EPS8: variants seen among roughly 807,000 people sequenced by gnomAD.
EPS8 encodes the protein epidermal growth factor receptor kinase substrate 8.
Under a neutral mutation model 103.8 loss-of-function variants are expected in EPS8, and 42 were observed. The observed-to-expected ratio is 0.40, with a 90% CI of 0.32 to 0.52. EPS8 has a LOEUF of 0.52. EPS8 is among the 20% of genes least tolerant of loss of function. The pLI is 0.40. For missense variants in EPS8, 969 were observed against 1,005.1 expected (o/e 0.96, Z 0.49); for synonymous variants, 344 against 344.6 (o/e 1.00, Z 0.02).
intron 3 of EPS8, among the ~76,000 whole-genome samples, chr12:15,671,244 G>A (rs547459722): frequency 6.6e-6 from 1 of 152,156 alleles, no homozygotes; most frequent in South Asian, 2.1e-4. Flanking sequence ...CCTACTGTTT[G>A]ACAAGTCAAT....
chr12:15,659,138 A>C (rs1945559389), intron 10 of EPS8, among the ~76,000 whole-genome samples: 1 of 152,176 alleles, frequency 6.6e-6, no homozygotes, highest in African/African-American at 2.4e-5. Flanking sequence ...AACAACAAAC[A>C]AAAGGAGAGA....
chr12:15,631,783 C>G, intron 17 of EPS8, 119 bp from the exon 18 acceptor site: 1 of 699,140 alleles, frequency 1.4e-6, no homozygotes, highest in Non-Finnish European at 2.4e-6. Flanking sequence ...AAACCCATTA[C>G]TCATTTATCT....
intron 1 of EPS8, among the ~76,000 whole-genome samples, chr12:15,687,238 T>C (rs1186754678): frequency 1.3e-5 from 2 of 152,134 alleles, no homozygotes; most frequent in Non-Finnish European, 2.9e-5. Flanking sequence ...GACGGCACCA[T>C]GTATTTTTCT....
At position 15,698,746 on chromosome 12, in the gene EPS8, T is replaced by C. The variant is rs1239858850; in HGVS notation, c.-21-15774A>G. On this transcript the variant is annotated intron_variant, in intron 1 of 20. Transcript: ENST00000281172. This position sits in a 1 kb window ranked among gnomAD's most constrained non-coding sequence, Gnocchi z 4.9. Reference sequence around the variant, plus strand: ...GGATGCCAGTTTGAAATTTAGGAGATAGGAGATTCAGTGTTTACAAGAATG... The same window carrying C: ...GGATGCCAGTTTGAAATTTAGGAGACAGGAGATTCAGTGTTTACAAGAATG... 2.0e-5 allele frequency among the ~76,000 whole-genome samples: 3 copies of C among 152,128 alleles called. No homozygotes were observed. The highest frequency in any genetic ancestry group is 7.2e-5 in the African/African-American group (3 of 41,416).
rs1317577922 is a variant in EPS8, at chr12:15,662,026, C to A, written c.810G>T (p.Val270=). Reference sequence around the variant, plus strand: ...ATCTAAAGGCGACTCCTGTACTTACCACATCTCTGTCAATGCGGGCTGCCA... The same window carrying A: ...ATCTAAAGGCGACTCCTGTACTTACAACATCTCTGTCAATGCGGGCTGCCA... ...EMMAARIDRD[V]QILNHILDDI... is the part of the protein sequence containing the mutation. Residue 270 remains valine (V), a splice_region_variant and synonymous_variant, in exon 9 of 21, where the codon GTG becomes GTT. Coordinates refer to ENST00000281172, the MANE Select transcript of EPS8 (RefSeq NM_004447.6). 1 of 1,612,566 alleles carries A rather than the reference C, an allele frequency of 6.2e-7. No individual in the cohort carries two copies. Among genetic ancestry groups the A allele is most frequent in the Non-Finnish European group, 8.5e-7 (1 of 1,178,672 alleles).
At chr12:15,699,453 A>G (rs1176023051) in intron 1 of EPS8, among the ~76,000 whole-genome samples, 1 of 152,208 alleles carries the variant, frequency 6.6e-6, no homozygotes, top group Non-Finnish European at 1.5e-5. Flanking sequence ...TGACATCTAT[A>G]TCTCTCAGTT....
chr12:15,640,735 G>T lies in EPS8; in HGVS notation c.1789C>A (p.Arg597Ser), dbSNP rs754905499. The change falls in exon 17 of 21, where the codon CGT becomes AGT. Residue 597 changes from arginine (R) to serine (S), a missense_variant. Coordinates refer to ENST00000281172, the MANE Select transcript of EPS8 (RefSeq NM_004447.6). ...IVRPPESGLGRADPPYTHTIQ... is the reference protein window; with the variant it reads ...IVRPPESGLGSADPPYTHTIQ... ...GTATGAGTATAAGGTGGATCAGCAC[G>T]CCCCAATCCAGATTCTGGAGGTCTC... 6.4e-5 allele frequency: 103 copies of T among 1,613,738 alleles called. No homozygotes were observed. Among genetic ancestry groups the T allele is most frequent in the Middle Eastern group, 1.6e-4 (1 of 6,084 alleles).
At position 15,780,369 on chromosome 12, in the gene EPS8, G is replaced by A. The variant is rs577153929; in HGVS notation, c.-22+8792C>T. On this transcript the variant is annotated intron_variant, in intron 1 of 20. Coordinates refer to ENST00000281172, the MANE Select transcript of EPS8 (RefSeq NM_004447.6). This position sits in a 1 kb window ranked among gnomAD's most constrained non-coding sequence, Gnocchi z 4.1. ...CTACCTGGAGAGAGATGAGCGTCTC[G>A]CTTTGCCTCAAAAATTCATTCTATG... Among the ~76,000 whole-genome samples, 22 of 151,742 alleles carry A rather than the reference G, an allele frequency of 1.4e-4. No homozygotes were observed. Among genetic ancestry groups the A allele is most frequent in the South Asian group, 4.2e-4 (2 of 4,792 alleles).
At chr12:15,722,017 CT>C (rs559597137) in intron 1 of EPS8, among the ~76,000 whole-genome samples, 48 of 149,672 alleles carry the variant, frequency 3.2e-4, no homozygotes, top group African/African-American at 8.3e-4. Context: ...GTTTTATAAT[CT>C]TTTAACTCAA....
chr12:15,707,309 T>A (rs1167523005), intron 1 of EPS8, among the ~76,000 whole-genome samples: 1 of 152,186 alleles, frequency 6.6e-6, no homozygotes, highest in East Asian at 1.9e-4. Flanking sequence ...TTTAATAACC[T>A]ACCAAAAATG....
chr12:15,755,926 T>C (rs917415506), intron 1 of EPS8, among the ~76,000 whole-genome samples: 17 of 152,202 alleles, frequency 1.1e-4, no homozygotes, highest in Non-Finnish European at 2.1e-4. Flanking sequence ...AATTGTACAC[T>C]TTCCAGAACT....
chr12:15,758,912 C>T (rs1591924322), intron 1 of EPS8, among the ~76,000 whole-genome samples: 3 of 152,182 alleles, frequency 2.0e-5, no homozygotes, highest in South Asian at 4.1e-4. Flanking sequence ...CAGGGAAGAA[C>T]ACATTCAAAT....
intron 1 of EPS8, among the ~76,000 whole-genome samples, chr12:15,707,017 A>G (rs1946396166): frequency 6.6e-6 from 1 of 152,220 alleles, no homozygotes; most frequent in African/African-American, 2.4e-5. Context: ...GGTTAAGAAC[A>G]ATCGAAGTAT....
At chr12:15,663,944 A>AAAAATAATAATAATAAT (rs1555112203) in intron 8 of EPS8, among the ~76,000 whole-genome samples, 3 of 85,976 alleles carry the variant, frequency 3.5e-5, no homozygotes, top group East Asian at 3.6e-4. Flanking sequence ...AAAAAAAAAA[A>AAAAATAATAATAATAAT]AATAATATAT....
At chr12:15,650,689 G>C in intron 14 of EPS8, 134 bp downstream of exon 14, 1 of 757,704 alleles carries the variant, frequency 1.3e-6, no homozygotes, top group Non-Finnish European at 2.1e-6. Context: ...AGGTAATTCA[G>C]GACAGGGTAA....
At chr12:15,653,467 G>A (rs1276697913) in intron 13 of EPS8, among the ~76,000 whole-genome samples, 3 of 151,946 alleles carry the variant, frequency 2.0e-5, no homozygotes, top group Admixed American at 6.6e-5. Context: ...TCTGCTACCC[G>A]AAGTCCATAT....
rs557947741 is a variant in EPS8 at position 15,735,467 on chromosome 12, T to A, written c.-21-52495A>T. On this transcript the variant is annotated intron_variant, in intron 1 of 20. Coordinates refer to ENST00000281172, the MANE Select transcript of EPS8 (RefSeq NM_004447.6). The surrounding 1 kb of genome is among the most constrained non-coding windows in gnomAD (Gnocchi z 4.4). ...CCCACGTTAATGCTACTTGACTTAA[T>A]CCTTACAGTAACCCTAGGAAGTACT... is the stretch of plus-strand genomic sequence containing the variant. Among the ~76,000 whole-genome samples, 55 of 152,348 alleles carry A rather than the reference T, an allele frequency of 3.6e-4. 2 individuals are homozygous for A. Among genetic ancestry groups the A allele is most frequent in the South Asian group, 2.3e-3 (11 of 4,828 alleles).
Position 15,734,148 on chromosome 12 carries a change from T to C in EPS8, c.-21-51176A>G, listed in dbSNP as rs1209472965. 7.2e-5 allele frequency among the ~76,000 whole-genome samples: 11 copies of C among 152,158 alleles called. No homozygotes were observed. The highest frequency in any genetic ancestry group is 1.2e-4 in the Non-Finnish European group (8 of 68,010). On this transcript the variant is annotated intron_variant, in intron 1 of 20. Transcript: ENST00000281172. The surrounding 1 kb of genome is among the most constrained non-coding windows in gnomAD (Gnocchi z 4.1). ...GAGTCATCATGCCTGGCCAGAAAAT[T>C]CATTTTTAATAACCTATAGATTAAC...
intron 1 of EPS8, among the ~76,000 whole-genome samples, chr12:15,710,763 A>G (rs956569014): frequency 2.0e-5 from 3 of 152,232 alleles, no homozygotes; most frequent in Admixed American, 2.0e-4. Context: ...TGGATTGTTT[A>G]CATTAGAAAT....
Sources: gnomAD v4.1 joint callset for allele counts (sites outside exome capture counted in the v4.1 genomes callset) on GRCh38, gnomAD v4.1.1 for gene constraint, Gnocchi (gnomAD v3.1) non-coding constraint, MANE v1.5 for transcripts, NCBI Gene and HGNC (gene_info 2026-07-23, HGNC 2026-07-21) for gene names.